ZFHX3: variants seen among roughly 807,000 people sequenced by gnomAD.
The protein encoded by ZFHX3 is zinc finger homeobox protein 3.
ZFHX3 carries 42 observed loss-of-function variants against 279.1 expected under a neutral mutation model. The observed-to-expected ratio is 0.15, with a 90% CI of 0.12 to 0.19. The LOEUF (loss-of-function observed/expected upper bound fraction) is 0.19, where lower values mean the gene tolerates loss of function less well. ZFHX3 is among the 10% of genes least tolerant of loss of function. ZFHX3 has a pLI of 1.00. For synonymous variants in ZFHX3, 2,293 were observed against 1,957.8 expected (o/e 1.17, Z -4.52); for missense variants, 4,981 against 4,754.0 (o/e 1.05, Z -1.40).
intron 1 of ZFHX3, among the ~76,000 whole-genome samples, chr16:73,721,321 CA>C (rs2053471810): frequency 6.6e-6 from 1 of 152,074 alleles, no homozygotes; most frequent in African/African-American, 2.4e-5. Context: ...GGGGTTTTAC[CA>C]TGTTGGCCGG....
At chr16:72,924,734 TTC>T (rs1959349815) in intron 3 of ZFHX3, among the ~76,000 whole-genome samples, 1 of 152,254 alleles carries the variant, frequency 6.6e-6, no homozygotes, top group Non-Finnish European at 1.5e-5. Context: ...GTGTGATTAA[TTC>T]TGTCATGGGT....
chr16:73,240,595 C>G (rs943217605), intron 5 of ZFHX3, among the ~76,000 whole-genome samples: 3 of 152,124 alleles, frequency 2.0e-5, no homozygotes, highest in South Asian at 2.1e-4. Context: ...GAAAAGAACA[C>G]TTGTTTATAG....
intron 2 of ZFHX3, chr16:73,610,048 T>A (rs1446287769): frequency 1.3e-5 from 2 of 152,130 alleles, no homozygotes; most frequent in African/African-American, 4.8e-5. Flanking sequence ...ACGGGCAATG[T>A]CCCTCGTTCC....
intron 2 of ZFHX3, among the ~76,000 whole-genome samples, chr16:73,506,133 G>T (rs2019322273): frequency 6.6e-6 from 1 of 152,186 alleles, no homozygotes; most frequent in African/African-American, 2.4e-5. Context: ...ATTTGCTTAA[G>T]GTCCACAGCT....
intron 1 of ZFHX3, among the ~76,000 whole-genome samples, chr16:73,004,473 T>A (rs1406604853): frequency 6.6e-6 from 1 of 151,802 alleles, no homozygotes; most frequent in African/African-American, 2.4e-5. Context: ...GGATTACAGA[T>A]GCCCACCATC....
At chr16:73,436,391 T>C (rs1214075751) in intron 3 of ZFHX3, among the ~76,000 whole-genome samples, 1 of 152,028 alleles carries the variant, frequency 6.6e-6, no homozygotes, top group African/African-American at 2.4e-5. Context: ...TGGTGGAAGG[T>C]AAAAGTCACG....
rs1051143521 is a variant in ZFHX3 at position 73,610,360 on chromosome 16, C to A, written c.-1547+69820G>T. On this transcript the variant is annotated intron_variant, in intron 2 of 17. Coordinates refer to the ZFHX3 transcript ENST00000641206. The stretch of plus-strand genomic sequence containing the variant: ...GTATTTGCTTTCCGGGTGTTGTGTG[C>A]CCCTTTTCTTCAAACACATATGAAT... Among the ~76,000 whole-genome samples, 5 of 152,234 alleles carry A rather than the reference C, an allele frequency of 3.3e-5. No individual in the cohort carries two copies. The East Asian group carries it at 9.7e-4, about 29-fold the overall frequency.
rs1177126804 is a variant in ZFHX3, at chr16:73,527,670, G to C, written c.-1546-71412C>G. On this transcript the variant is annotated intron_variant, in intron 2 of 17. Coordinates refer to the ZFHX3 transcript ENST00000641206. The stretch of plus-strand genomic sequence containing the variant: ...TGTCTTCCTTGCTCTCTTTCACTCT[G>C]TCAGGGCCCTCACTCTGGAGGAAGC... Among the ~76,000 whole-genome samples the C allele has an allele frequency of 2.6e-5, 4 of 152,176 alleles. No homozygotes were observed. In the East Asian group the frequency reaches 7.7e-4, roughly 29 times the overall value.
rs147640225 is a variant in ZFHX3, at chr16:73,522,206, C to T, written c.-1546-65948G>A. On this transcript the variant is annotated intron_variant, in intron 2 of 17. Coordinates refer to the ZFHX3 transcript ENST00000641206. ...TGTGAAAAATTGGGAACTGATAAATCAGAAATTCATTTGAATTTAAAAGCA... is the reference window on the plus strand; with the variant it reads ...TGTGAAAAATTGGGAACTGATAAATTAGAAATTCATTTGAATTTAAAAGCA... Among the ~76,000 whole-genome samples the T allele has an allele frequency of 6.0e-4, 92 of 152,200 alleles. 1 individual carries two copies. Among genetic ancestry groups the T allele is most frequent in the African/African-American group, 2.1e-3 (86 of 41,530 alleles).
chr16:72,972,727 C>G (rs570195721), intron 1 of ZFHX3, among the ~76,000 whole-genome samples: 1 of 152,146 alleles, frequency 6.6e-6, no homozygotes, highest in Non-Finnish European at 1.5e-5. Context: ...CTTTAAGCTT[C>G]AATCTCCCCT....
intron 2 of ZFHX3, among the ~76,000 whole-genome samples, chr16:73,525,027 C>T (rs1172322741): frequency 6.6e-6 from 1 of 152,126 alleles, no homozygotes; most frequent in Non-Finnish European, 1.5e-5. Context: ...GTAGAAACCC[C>T]CATGCCGTAA....
At chr16:73,312,548 A>C (rs1474122019) in intron 4 of ZFHX3, among the ~76,000 whole-genome samples, 1 of 152,224 alleles carries the variant, frequency 6.6e-6, no homozygotes, top group East Asian at 1.9e-4. Context: ...GATGCTACTC[A>C]TACATTCCTG....
chr16:73,254,860 T>A (rs2013617518), intron 5 of ZFHX3, among the ~76,000 whole-genome samples: 1 of 152,028 alleles, frequency 6.6e-6, no homozygotes, highest in Non-Finnish European at 1.5e-5. Context: ...ATGAGAGATG[T>A]CTACTGAGGA....
intron 8 of ZFHX3, among the ~76,000 whole-genome samples, chr16:73,080,796 G>C (rs1965934085): frequency 6.6e-6 from 1 of 152,002 alleles, no homozygotes; most frequent in Non-Finnish European, 1.5e-5. Flanking sequence ...CCAGGCTCTG[G>C]TCTCGAACTC....
chr16:73,686,516 G>A (rs533262687), intron 1 of ZFHX3, among the ~76,000 whole-genome samples: 33 of 152,220 alleles, frequency 2.2e-4, no homozygotes, highest in East Asian at 1.5e-3. Context: ...CTGACCCTTC[G>A]GGAATTCTTG....
chr16:73,158,624 ACTCATAAGCAAAAAGCAC>A (rs1313711879), intron 5 of ZFHX3, among the ~76,000 whole-genome samples: 2 of 152,170 alleles, frequency 1.3e-5, no homozygotes, highest in Non-Finnish European at 2.9e-5. Context: ...CATCGTTGCC[ACTCATAAGCAAAAAGCAC>A]GAAGCTGGAG....
intron 1 of ZFHX3, among the ~76,000 whole-genome samples, chr16:73,813,475 C>T (rs1288580207): frequency 6.6e-6 from 1 of 151,914 alleles, no homozygotes; most frequent in Non-Finnish European, 1.5e-5. Flanking sequence ...CATTTGTGTA[C>T]TTTTCTGTAA....
Position 73,286,706 on chromosome 16 carries a change from G to GGTGTGTGGGTTC in ZFHX3, c.-1193-29582_-1193-29571dup, listed in dbSNP as rs1323782723. On this transcript the variant is annotated intron_variant, in intron 4 of 17. Transcript: ENST00000641206. ...GTTGGTGTGTGAGTGTGAGTGTGTG[G>GGTGTGTGGGTTC]GTGTGTGGGTTCATGTGTGGCTGTG... 2.0e-5 allele frequency among the ~76,000 whole-genome samples: 3 copies of GGTGTGTGGGTTC among 148,962 alleles called. No individual in the cohort carries two copies. The East Asian group carries it at 6.0e-4, about 30-fold the overall frequency.
At chr16:73,801,194 T>C (rs1043778479) in intron 1 of ZFHX3, among the ~76,000 whole-genome samples, 33 of 152,350 alleles carry the variant, frequency 2.2e-4, no homozygotes, top group Admixed American at 6.5e-4. Context: ...TTTCATCGGC[T>C]GCCTTTTTTA....
Sources: gnomAD v4.1 joint callset for allele counts (sites outside exome capture counted in the v4.1 genomes callset) on GRCh38, gnomAD v4.1.1 for gene constraint, MANE v1.5 for transcripts, NCBI Gene and HGNC (gene_info 2026-07-23, HGNC 2026-07-21) for gene names.